MCC: variants seen among roughly 807,000 people sequenced by gnomAD.
MCC encodes colorectal mutant cancer protein.
In MCC, 90 loss-of-function variants were observed where a neutral mutation model predicts 116.2. The ratio of observed to expected loss-of-function variants is 0.77; its 90% confidence interval spans 0.65 to 0.92. MCC has a LOEUF of 0.92. Among genes scored for constraint, MCC ranks in the 40% least tolerant of loss-of-function variants. MCC has a pLI of 0.00. For synonymous variants in MCC, 578 were observed against 510.5 expected (o/e 1.13, Z -1.78); for missense variants, 1,516 against 1,312.2 (o/e 1.16, Z -2.40).
intron 3 of MCC, among the ~76,000 whole-genome samples, chr5:113,199,812 C>G (rs780988127): frequency 6.6e-6 from 1 of 152,198 alleles, no homozygotes; most frequent in Non-Finnish European, 1.5e-5. Context: ...CCTCTCCATG[C>G]CTGACTTTCA....
At chr5:113,173,558 A>G (rs1761180129) in intron 3 of MCC, among the ~76,000 whole-genome samples, 1 of 152,204 alleles carries the variant, frequency 6.6e-6, no homozygotes, top group African/African-American at 2.4e-5. Context: ...GGATCACAAC[A>G]CCACTAAACT....
chr5:113,189,957 T>G lies in MCC; in HGVS notation c.628-38535A>C, dbSNP rs969802908. On this transcript the variant is annotated intron_variant, in intron 3 of 18. Transcript: ENST00000408903. ...TAGGTTATCTAGAGAGCCTCATTAG[T>G]CCACTGAGATCCCACTGGCTAATGG... Among the ~76,000 whole-genome samples, 10 of 152,216 alleles carry G rather than the reference T, an allele frequency of 6.6e-5. No individual in the cohort carries two copies. The South Asian group carries it at 8.3e-4, about 13-fold the overall frequency.
At chr5:113,103,772 T>C (rs1756570055) in intron 7 of MCC, among the ~76,000 whole-genome samples, 1 of 152,210 alleles carries the variant, frequency 6.6e-6, no homozygotes, top group South Asian at 2.1e-4. Context: ...AACAAATTCC[T>C]GTCACCATCT....
At chr5:113,211,542 G>A (rs1410208884) in intron 3 of MCC, among the ~76,000 whole-genome samples, 1 of 152,176 alleles carries the variant, frequency 6.6e-6, no homozygotes, top group Admixed American at 6.5e-5. Context: ...GGTTCTTGTT[G>A]CCTAATGCTG....
chr5:113,299,364 T>C (rs1007292529), intron 3 of MCC, among the ~76,000 whole-genome samples: 3 of 141,794 alleles, frequency 2.1e-5, no homozygotes, highest in Admixed American at 7.3e-5. Flanking sequence ...GCTTCTTGCA[T>C]TGAGGGAGTC....
At chr5:113,028,783 T>G (rs916208637) in intron 18 of MCC, 151 bp downstream of exon 18, 5 of 837,800 alleles carry the variant, frequency 6.0e-6, no homozygotes, top group African/African-American at 3.4e-5. Flanking sequence ...ACCAGGCTCT[T>G]AGAGAGCCAG....
At chr5:113,317,587 T>A (rs1767316916) in intron 3 of MCC, among the ~76,000 whole-genome samples, 1 of 152,166 alleles carries the variant, frequency 6.6e-6, no homozygotes, top group Non-Finnish European at 1.5e-5. Context: ...GGTGAGTACA[T>A]GTGATGACAG....
At chr5:113,456,673 A>G (rs1409194849) in intron 1 of MCC, among the ~76,000 whole-genome samples, 6 of 116,782 alleles carry the variant, frequency 5.1e-5, no homozygotes, top group African/African-American at 2.0e-4. Flanking sequence ...AGGCTTCACC[A>G]TGTTAGCCAG....
intron 3 of MCC, among the ~76,000 whole-genome samples, chr5:113,228,663 G>C (rs1032731364): frequency 3.9e-5 from 6 of 152,152 alleles, no homozygotes; most frequent in African/African-American, 1.4e-4. Flanking sequence ...CAAGAGAAAA[G>C]GGGTTTTGAG....
At chr5:113,261,916 C>A (rs369502761) in intron 3 of MCC, among the ~76,000 whole-genome samples, 7 of 152,210 alleles carry the variant, frequency 4.6e-5, no homozygotes, top group African/African-American at 1.7e-4. Context: ...AAGCTATTTT[C>A]ATTAACATGA....
At chr5:113,358,273 G>A (rs1229899105) in intron 2 of MCC, among the ~76,000 whole-genome samples, 1 of 152,164 alleles carries the variant, frequency 6.6e-6, no homozygotes, top group Non-Finnish European at 1.5e-5. Flanking sequence ...TACTTGGCCA[G>A]CTCTAATCTT....
chr5:113,220,535 C>T (rs2150328782), intron 3 of MCC, among the ~76,000 whole-genome samples: 1 of 152,256 alleles, frequency 6.6e-6, no homozygotes, highest in East Asian at 1.9e-4. Context: ...CACGATCTTG[C>T]ACATCTGTTG....
intron 1 of MCC, among the ~76,000 whole-genome samples, chr5:113,467,592 T>C (rs1771949139): frequency 6.6e-6 from 1 of 152,182 alleles, no homozygotes; most frequent in Admixed American, 6.5e-5. Flanking sequence ...TGTAGCCTTG[T>C]AGTATAGTTT....
chr5:113,150,477 T>G (rs1759787249), intron 4 of MCC, among the ~76,000 whole-genome samples: 1 of 151,314 alleles, frequency 6.6e-6, no homozygotes, highest in Non-Finnish European at 1.5e-5. Context: ...CAAAATAAAC[T>G]AAAAGACATG....
In MCC at chr5:113,212,916, T is replaced by C. The variant is rs143251550; in HGVS notation, c.628-61494A>G. Among the ~76,000 whole-genome samples the C allele has an allele frequency of 2.2e-3, 339 of 152,368 alleles. 2 individuals carry two copies. The highest frequency in any genetic ancestry group is 7.7e-3 in the African/African-American group (322 of 41,588). ...CCCTCCTGCCTACTAATACCTTTCA[T>C]TCTCATCCAGTTCTGATGTTTCTTT... is the stretch of plus-strand genomic sequence containing the variant. On this transcript the variant is annotated intron_variant, in intron 3 of 18. Coordinates refer to ENST00000408903, the MANE Select transcript of MCC (RefSeq NM_001085377.2).
chr5:113,324,046 G>T (rs1767486889), intron 3 of MCC, among the ~76,000 whole-genome samples: 1 of 152,182 alleles, frequency 6.6e-6, no homozygotes, highest in African/African-American at 2.4e-5. Context: ...ATTGTTACTA[G>T]TATTACTCTT....
chr5:113,198,603 T>A (rs1405696724), intron 3 of MCC, among the ~76,000 whole-genome samples: 1 of 148,642 alleles, frequency 6.7e-6, no homozygotes, highest in Non-Finnish European at 1.5e-5. Flanking sequence ...ACTCGGCAGG[T>A]TGAGGCAGGA....
At chr5:113,127,650 T>C (rs1023880692) in intron 5 of MCC, among the ~76,000 whole-genome samples, 6 of 152,242 alleles carry the variant, frequency 3.9e-5, no homozygotes, top group African/African-American at 9.6e-5. Context: ...TGTATATCTT[T>C]TGAAAAATGT....
chr5:113,383,692 A>C (rs978081563), intron 2 of MCC, among the ~76,000 whole-genome samples: 2 of 152,080 alleles, frequency 1.3e-5, no homozygotes, highest in Admixed American at 1.3e-4. Flanking sequence ...ATACTCAGAA[A>C]GTTTGTATTT....
Sources: allele counts gnomAD v4.1 joint callset (sites outside exome capture counted in the v4.1 genomes callset), GRCh38; gene constraint gnomAD v4.1.1; transcripts MANE v1.5; gene names NCBI Gene and HGNC (gene_info 2026-07-23, HGNC 2026-07-21).